The following B3GLCT variants were observed in gnomAD, a reference collection of about 807,000 sequenced individuals.
B3GLCT encodes beta-1,3-glucosyltransferase.
A neutral mutation model predicts 63.4 loss-of-function variants in B3GLCT; 65 were observed. The ratio of observed to expected loss-of-function variants is 1.03; its 90% CI spans 0.84 to 1.26. The LOEUF is 1.26. Ranked by LOEUF, B3GLCT falls within the 50% of genes most tolerant of loss-of-function variation. B3GLCT has a pLI of 0.00. For synonymous variants in B3GLCT, 233 were observed against 219.2 expected (o/e 1.06, Z -0.55); for missense variants, 577 against 604.8 (o/e 0.95, Z 0.48).
intron 14 of B3GLCT, among the ~76,000 whole-genome samples, chr13:31,326,985 A>G (rs991641358): frequency 6.6e-6 from 1 of 152,154 alleles, no homozygotes; most frequent in African/African-American, 2.4e-5. Context: ...TATCTTCAAC[A>G]GTTCATTTTT....
At position 31,213,633 on chromosome 13, in the gene B3GLCT, C is replaced by CA. The variant is rs1555244552; in HGVS notation, c.71-1418_71-1417insA. On this transcript the variant is annotated intron_variant, in intron 1 of 14. Coordinates refer to ENST00000343307, the MANE Select transcript of B3GLCT (RefSeq NM_194318.4). The stretch of plus-strand genomic sequence containing the variant: ...ACCCCCCCACCCCACCCCCCCCCCC[C>CA]GCCAAAACTCACTATAACTGTATTC... Among the ~76,000 whole-genome samples the CA allele has an allele frequency of 6.3e-5, 8 of 126,558 alleles. 1 individual carries two copies. In the East Asian group the frequency reaches 2.5e-3, roughly 40 times the overall value. The allele number at this position is 126,558 out of a possible 152,430, so 83.0% of individuals were successfully genotyped here. A position where few individuals can be genotyped will look rare whatever the true frequency, so the allele number is the denominator to read the frequency against.
chr13:31,309,726 A>C (rs145945004), intron 12 of B3GLCT, among the ~76,000 whole-genome samples: 2 of 152,308 alleles, frequency 1.3e-5, no homozygotes, highest in South Asian at 2.1e-4. Context: ...ATGTTTAGCT[A>C]TCCAGGAACT....
intron 13 of B3GLCT, among the ~76,000 whole-genome samples, chr13:31,318,559 A>G (rs1875175164): frequency 6.6e-6 from 1 of 152,220 alleles, no homozygotes; most frequent in South Asian, 2.1e-4. Flanking sequence ...AAACCTGAGC[A>G]TGTGTGCTGA....
chr13:31,328,030 A>G (rs1434195613), intron 14 of B3GLCT, among the ~76,000 whole-genome samples: 1 of 152,218 alleles, frequency 6.6e-6, no homozygotes, highest in African/African-American at 2.4e-5. Flanking sequence ...GTGTCCTGGC[A>G]GAGCACTGGC....
At chr13:31,275,530 C>T (rs1036986538) in intron 9 of B3GLCT, among the ~76,000 whole-genome samples, 2 of 152,180 alleles carry the variant, frequency 1.3e-5, no homozygotes, top group Non-Finnish European at 2.9e-5. Flanking sequence ...CACAAGCCCG[C>T]ACCCTTTACT....
chr13:31,215,308 A>T (rs764278397), intron 2 of B3GLCT, among the ~76,000 whole-genome samples: 9 of 152,226 alleles, frequency 5.9e-5, no homozygotes, highest in Non-Finnish European at 1.3e-4. Context: ...AGGCTGATCC[A>T]CTTGGTTTTA....
rs1238813199 is a variant in B3GLCT, at chr13:31,205,597, C to T, written c.70+5443C>T. ...AGTTGGCGGGTCTGGCTATATTGCC[C>T]AGGCTGGACCTGAACTCCTGGCCTC... On this transcript the variant is annotated intron_variant, in intron 1 of 14. Coordinates refer to ENST00000343307, the MANE Select transcript of B3GLCT (RefSeq NM_194318.4). 2.0e-5 allele frequency among the ~76,000 whole-genome samples: 3 copies of T among 152,090 alleles called. No homozygotes were observed. The East Asian group carries it at 5.8e-4, about 29-fold the overall frequency.
chr13:31,298,526 C>G (rs946793015), intron 12 of B3GLCT, among the ~76,000 whole-genome samples: 1 of 152,216 alleles, frequency 6.6e-6, no homozygotes, highest in African/African-American at 2.4e-5. Context: ...ACAATGTCAT[C>G]TGTTTCTCTA....
At chr13:31,238,234 A>G (rs948034879) in intron 4 of B3GLCT, among the ~76,000 whole-genome samples, 7 of 152,214 alleles carry the variant, frequency 4.6e-5, no homozygotes, top group African/African-American at 1.7e-4. Context: ...CTTATTAAAA[A>G]CGGAAACATT....
rs114109926 is a variant in B3GLCT at position 31,221,823 on chromosome 13, G to A, written c.121-1129G>A. Among the ~76,000 whole-genome samples, 1,337 of 152,230 alleles carry A rather than the reference G, an allele frequency of 8.8e-3. 17 individuals are homozygous for A. The highest frequency in any genetic ancestry group is 0.025 in the African/African-American group (1,028 of 41,536). ...ATTGAAGGATATTTGCCACCATCCC[G>A]TTGTCATAATTATAGCATATGACTG... On this transcript the variant is annotated intron_variant, in intron 2 of 14. Transcript: ENST00000343307.
intron 1 of B3GLCT, among the ~76,000 whole-genome samples, chr13:31,210,074 A>G (rs921768942): frequency 1.3e-5 from 2 of 152,202 alleles, no homozygotes; most frequent in African/African-American, 2.4e-5. Context: ...AGGCTGGCCT[A>G]TAAATCTTAG....
At chr13:31,289,353 A>T (rs1412269670) in intron 12 of B3GLCT, among the ~76,000 whole-genome samples, 3 of 152,190 alleles carry the variant, frequency 2.0e-5, no homozygotes, top group Non-Finnish European at 2.9e-5. Context: ...AAAATGTCCC[A>T]AATGTAGCAA....
At chr13:31,257,472 A>G (rs1029981113) in intron 6 of B3GLCT, among the ~76,000 whole-genome samples, 2 of 152,086 alleles carry the variant, frequency 1.3e-5, no homozygotes, top group African/African-American at 4.8e-5. Context: ...ACCCATAGGC[A>G]AAGTATCAAG....
intron 8 of B3GLCT, among the ~76,000 whole-genome samples, chr13:31,271,161 G>T (rs1052873089): frequency 1.3e-5 from 2 of 152,198 alleles, no homozygotes; most frequent in Non-Finnish European, 2.9e-5. Flanking sequence ...AAAACATTTG[G>T]TGTAAATAAA....
chr13:31,207,715 T>C (rs956603435), intron 1 of B3GLCT, among the ~76,000 whole-genome samples: 1 of 152,196 alleles, frequency 6.6e-6, no homozygotes, highest in Non-Finnish European at 1.5e-5. Context: ...GAGTTTCAGA[T>C]GGAACTAGAT....
intron 1 of B3GLCT, 40 bp downstream of exon 1, chr13:31,200,194 G>A (rs1361414359): frequency 5.8e-6 from 7 of 1,209,870 alleles, no homozygotes; most frequent in Non-Finnish European, 6.2e-6. Flanking sequence ...GCGAGGCGTG[G>A]GGTTCGCGGG....
At chr13:31,242,363 T>C (rs1219583409) in intron 4 of B3GLCT, among the ~76,000 whole-genome samples, 1 of 152,222 alleles carries the variant, frequency 6.6e-6, no homozygotes, top group African/African-American at 2.4e-5. Flanking sequence ...TGAGATCCAA[T>C]AGGGCAGGGA....
chr13:31,217,593 A>G (rs1869621350), intron 2 of B3GLCT, among the ~76,000 whole-genome samples: 1 of 152,172 alleles, frequency 6.6e-6, no homozygotes, highest in Non-Finnish European at 1.5e-5. Context: ...TAAGTCTTTA[A>G]TTCATCTTGA....
At chr13:31,251,994 G>T (rs775543097) in intron 6 of B3GLCT, among the ~76,000 whole-genome samples, 1 of 152,172 alleles carries the variant, frequency 6.6e-6, no homozygotes, top group African/African-American at 2.4e-5. Flanking sequence ...ACAAAAGGAA[G>T]CCCATCAGAC....
Sources: gnomAD v4.1 joint callset for allele counts (sites outside exome capture counted in the v4.1 genomes callset) on GRCh38, gnomAD v4.1.1 for gene constraint, MANE v1.5 for transcripts, NCBI Gene and HGNC (gene_info 2026-07-23, HGNC 2026-07-21) for gene names.